The following ATP2B2 variants were observed in gnomAD, a reference collection of about 807,000 sequenced individuals.
ATP2B2 encodes the protein ATPase plasma membrane Ca2+ transporting 2.
Under a neutral mutation model 120.0 loss-of-function variants are expected in ATP2B2, and 15 were observed. The ratio of observed to expected loss-of-function variants is 0.12; its 90% CI spans 0.08 to 0.19. The LOEUF (loss-of-function observed/expected upper bound fraction) is 0.19. ATP2B2 is among the 10% of genes least tolerant of loss of function. The pLI is 1.00. For synonymous variants in ATP2B2, 694 were observed against 700.3 expected, an observed-to-expected ratio of 0.99 and a Z score of 0.14; for missense variants, 1,045 against 1,719.8, an observed-to-expected ratio of 0.61 and a Z score of 6.94.
At chr3:10,608,232 T>C (rs934693633) in intron 2 of ATP2B2, among the ~76,000 whole-genome samples, 1 of 152,208 alleles carries the variant, frequency 6.6e-6, no homozygotes, top group African/African-American at 2.4e-5. Flanking sequence ...TTTTCTAAGA[T>C]GCAAAGCTGA....
At chr3:10,550,433 A>G (rs758368660) in intron 2 of ATP2B2, among the ~76,000 whole-genome samples, 1 of 152,166 alleles carries the variant, frequency 6.6e-6, no homozygotes, top group Non-Finnish European at 1.5e-5. Flanking sequence ...TTTTTTATTT[A>G]GCATAGAAAT....
intron 2 of ATP2B2, among the ~76,000 whole-genome samples, chr3:10,550,525 AG>A (rs2067645902): frequency 6.6e-6 from 1 of 152,182 alleles, no homozygotes; most frequent in South Asian, 2.1e-4. Flanking sequence ...TTTTTTAAAA[AG>A]GTCTAGTGCC....
At chr3:10,584,280 G>C (rs950543089) in intron 2 of ATP2B2, among the ~76,000 whole-genome samples, 3 of 152,178 alleles carry the variant, frequency 2.0e-5, no homozygotes, top group Non-Finnish European at 4.4e-5. Context: ...AGGGGATGAG[G>C]CTATGGAGGC....
intron 1 of ATP2B2, among the ~76,000 whole-genome samples, chr3:10,489,498 C>T (rs984170541): frequency 6.6e-6 from 1 of 152,194 alleles, no homozygotes; most frequent in African/African-American, 2.4e-5. Flanking sequence ...GTTCATAACC[C>T]TCCTGGCCTC....
chr3:10,530,289 G>A (rs1053205296), intron 3 of ATP2B2, among the ~76,000 whole-genome samples: 4 of 152,184 alleles, frequency 2.6e-5, no homozygotes, highest in East Asian at 3.9e-4. Context: ...CTCTTCCATC[G>A]AATCCTTCCG....
intron 14 of ATP2B2, among the ~76,000 whole-genome samples, chr3:10,356,250 A>G (rs2060728581): frequency 6.6e-6 from 1 of 151,902 alleles, no homozygotes; most frequent in Admixed American, 6.6e-5. Context: ...GGGTTCACTC[A>G]GCCACTTTGG....
chr3:10,384,338 C>A (rs2061612181), intron 8 of ATP2B2, among the ~76,000 whole-genome samples: 1 of 152,184 alleles, frequency 6.6e-6, no homozygotes, highest in Non-Finnish European at 1.5e-5. Context: ...TTTTCCCCTG[C>A]CCTCAGCTCC....
At chr3:10,619,469 C>A (rs529183298) in intron 2 of ATP2B2, among the ~76,000 whole-genome samples, 1 of 152,188 alleles carries the variant, frequency 6.6e-6, no homozygotes, top group Non-Finnish European at 1.5e-5. Context: ...AAGATACTGA[C>A]GTGTAAATAA....
intron 1 of ATP2B2, among the ~76,000 whole-genome samples, chr3:10,486,355 G>C (rs1434007283): frequency 6.6e-6 from 1 of 151,276 alleles, no homozygotes; most frequent in Non-Finnish European, 1.5e-5. Context: ...GTGTGTGTGT[G>C]TGTGTCTCAG....
intron 3 of ATP2B2, among the ~76,000 whole-genome samples, chr3:10,515,287 C>T (rs2066854780): frequency 6.6e-6 from 1 of 152,194 alleles, no homozygotes; most frequent in Admixed American, 6.5e-5. Context: ...ATGTACATGG[C>T]ACATAGTGGG....
chr3:10,408,551 C>T (rs1009344944), intron 3 of ATP2B2, among the ~76,000 whole-genome samples: 3 of 152,072 alleles, frequency 2.0e-5, no homozygotes, highest in Admixed American at 6.5e-5. Flanking sequence ...GGACCAGGGG[C>T]GGCCTGAGCT....
intron 2 of ATP2B2, among the ~76,000 whole-genome samples, chr3:10,579,297 T>G (rs559543805): frequency 1.3e-5 from 2 of 152,340 alleles, no homozygotes; most frequent in South Asian, 2.1e-4. Flanking sequence ...CTCGTGGAGA[T>G]GATGCTGCAA....
intron 22 of ATP2B2, 145 bp downstream of exon 22, chr3:10,338,031 C>T: frequency 1.0e-6 from 1 of 996,184 alleles, no homozygotes. Flanking sequence ...GTGCAAGTGG[C>T]TGGTGAGAGC....
chr3:10,641,610 G>T (rs1418758562), intron 1 of ATP2B2, among the ~76,000 whole-genome samples: 1 of 152,174 alleles, frequency 6.6e-6, no homozygotes, highest in Non-Finnish European at 1.5e-5. Flanking sequence ...ATGCCAGTTG[G>T]CAATGTCTGG....
intron 22 of ATP2B2, among the ~76,000 whole-genome samples, chr3:10,330,645 C>G (rs951633039): frequency 1.3e-5 from 2 of 152,218 alleles, no homozygotes; most frequent in African/African-American, 2.4e-5. Context: ...CACAGGCCTG[C>G]GGGGAGGCAG....
At chr3:10,336,287 T>C in intron 22 of ATP2B2, 1 of 1,550,586 alleles carries the variant, frequency 6.4e-7, no homozygotes, top group Non-Finnish European at 8.7e-7. Flanking sequence ...CTTGAAAGTA[T>C]TGACTACTTC....
intron 1 of ATP2B2, among the ~76,000 whole-genome samples, chr3:10,455,869 G>A (rs968362219): frequency 2.0e-5 from 3 of 152,276 alleles, no homozygotes; most frequent in African/African-American, 7.2e-5. Flanking sequence ...CATGTGGGAA[G>A]TGAAGGGATT....
At chr3:10,429,293 T>C (rs2063238203) in intron 2 of ATP2B2, among the ~76,000 whole-genome samples, 1 of 152,238 alleles carries the variant, frequency 6.6e-6, no homozygotes, top group African/African-American at 2.4e-5. Context: ...TTTATTGTGC[T>C]TCACAGATAG....
intron 2 of ATP2B2, among the ~76,000 whole-genome samples, chr3:10,438,833 T>C (rs1402255178): frequency 1.3e-5 from 2 of 152,176 alleles, no homozygotes; most frequent in African/African-American, 4.8e-5. Flanking sequence ...CCTGCAGTTA[T>C]ACAGCAACAT....
Sources: allele counts gnomAD v4.1 joint callset (sites outside exome capture counted in the v4.1 genomes callset), GRCh38; gene constraint gnomAD v4.1.1; transcripts MANE v1.5; gene names NCBI Gene and HGNC (gene_info 2026-07-23, HGNC 2026-07-21).